The following INPP5A variants were observed in gnomAD, a reference collection of about 807,000 sequenced individuals.
INPP5A encodes the protein 43 kDa inositol polyphosphate 5-phophatase.
INPP5A carries 14 observed loss-of-function variants against 65.2 expected under a neutral mutation model. The ratio of observed to expected loss-of-function variants is 0.21; its 90% CI spans 0.14 to 0.34. INPP5A has a LOEUF of 0.34. Among genes scored for constraint, INPP5A ranks in the 10% least tolerant of loss-of-function variants. The pLI is 1.00. For missense variants in INPP5A, 431 were observed against 545.6 expected (o/e 0.79, Z 2.09); for synonymous variants, 207 against 208.3 (o/e 0.99, Z 0.05).
intron 8 of INPP5A, among the ~76,000 whole-genome samples, chr10:132,722,424 T>G (rs900707311): frequency 2.0e-5 from 3 of 152,182 alleles, no homozygotes; most frequent in Admixed American, 2.0e-4. Context: ...CATTCGAGTC[T>G]GATATTTTTT....
intron 1 of INPP5A, among the ~76,000 whole-genome samples, chr10:132,598,589 T>C (rs2071738308): frequency 6.6e-6 from 1 of 152,268 alleles, no homozygotes; most frequent in Non-Finnish European, 1.5e-5. Flanking sequence ...GGCTGAGTTA[T>C]GTGGATAGAC....
At chr10:132,542,154 G>A (rs1028534929) in intron 1 of INPP5A, among the ~76,000 whole-genome samples, 2 of 152,156 alleles carry the variant, frequency 1.3e-5, no homozygotes, top group African/African-American at 2.4e-5. Flanking sequence ...GCCCGCTGGC[G>A]GGTATCTGCC....
rs188364802 is a variant in INPP5A, at chr10:132,558,544, C to T, written c.75+20373C>T. ...ATATGCATGGGGTCCACTTGTCCCT[C>T]ATGTCCAGTCTCCTGTGGCTGGAAG... On this transcript the variant is annotated intron_variant, in intron 1 of 15. Transcript: ENST00000368594. 3.6e-3 allele frequency among the ~76,000 whole-genome samples: 546 copies of T among 152,344 alleles called. 3 individuals are homozygous for T. The highest frequency in any genetic ancestry group is 4.9e-3 in the Non-Finnish European group (330 of 68,028).
At chr10:132,702,067 C>A (rs1269839462) in intron 6 of INPP5A, among the ~76,000 whole-genome samples, 2 of 152,260 alleles carry the variant, frequency 1.3e-5, no homozygotes, top group African/African-American at 4.8e-5. Context: ...TGTCAGGACA[C>A]TGTGGGCTGT....
At chr10:132,781,001 G>A (rs1422879082) in intron 14 of INPP5A, 84 bp downstream of exon 14, 14 of 869,006 alleles carry the variant, frequency 1.6e-5, no homozygotes, top group African/African-American at 3.3e-5. Flanking sequence ...GTGGGTGGGC[G>A]GGTGCTGGGG....
intron 1 of INPP5A, among the ~76,000 whole-genome samples, chr10:132,539,102 C>T (rs923922644): frequency 6.6e-6 from 1 of 152,164 alleles, no homozygotes; most frequent in Non-Finnish European, 1.5e-5. Flanking sequence ...AATCCTGAAT[C>T]CTGGTCTTAA....
intron 5 of INPP5A, among the ~76,000 whole-genome samples, chr10:132,693,522 G>T (rs1845300616): frequency 6.6e-6 from 1 of 152,156 alleles, no homozygotes; most frequent in African/African-American, 2.4e-5. Context: ...TGGGCCAAAA[G>T]AAAGCTGGAG....
intron 8 of INPP5A, among the ~76,000 whole-genome samples, chr10:132,720,737 G>C (rs1468917462): frequency 6.7e-6 from 1 of 149,652 alleles, no homozygotes; most frequent in Non-Finnish European, 1.5e-5. Flanking sequence ...CCTGAGTTCT[G>C]TCTGGGCGCC....
chr10:132,641,068 G>A (rs570710019), intron 2 of INPP5A, among the ~76,000 whole-genome samples: 3 of 152,348 alleles, frequency 2.0e-5, no homozygotes, highest in East Asian at 1.9e-4. Context: ...TCACTGCCTC[G>A]ATTCACTGCG....
intron 2 of INPP5A, among the ~76,000 whole-genome samples, chr10:132,608,428 C>G (rs2071891963): frequency 6.6e-6 from 1 of 152,218 alleles, no homozygotes; most frequent in South Asian, 2.1e-4. Context: ...CACGGACCCC[C>G]CTGTCTAATA....
chr10:132,573,617 G>A (rs1280256220), intron 1 of INPP5A, among the ~76,000 whole-genome samples: 12 of 127,912 alleles, frequency 9.4e-5, no homozygotes, highest in East Asian at 5.0e-4. Flanking sequence ...TGAGATGTTG[G>A]GGTGTGCGTG....
chr10:132,649,259 G>A (rs912453223), intron 3 of INPP5A, among the ~76,000 whole-genome samples: 5 of 152,088 alleles, frequency 3.3e-5, no homozygotes, highest in Admixed American at 6.5e-5. Context: ...TTTTCCTTCC[G>A]TCTGTGCGTT....
At chr10:132,735,943 A>G (rs187622978) in intron 9 of INPP5A, among the ~76,000 whole-genome samples, 430 of 152,286 alleles carry the variant, frequency 2.8e-3, no homozygotes, top group African/African-American at 9.8e-3. Flanking sequence ...CCTGCCCCAC[A>G]CCAGTCTGTG....
At chr10:132,737,240 A>G (rs1450320212) in intron 9 of INPP5A, among the ~76,000 whole-genome samples, 2 of 152,200 alleles carry the variant, frequency 1.3e-5, no homozygotes, top group Admixed American at 1.3e-4. Flanking sequence ...GTGTGTCCAG[A>G]GGGCAGGTGG....
intron 2 of INPP5A, among the ~76,000 whole-genome samples, chr10:132,633,606 A>G (rs1307487809): frequency 6.6e-6 from 1 of 152,158 alleles, no homozygotes; most frequent in Non-Finnish European, 1.5e-5. Flanking sequence ...TAAGAAACAG[A>G]GATTCCCTCT....
At chr10:132,735,480 G>A (rs970971316) in intron 9 of INPP5A, among the ~76,000 whole-genome samples, 2 of 152,244 alleles carry the variant, frequency 1.3e-5, no homozygotes, top group African/African-American at 4.8e-5. Context: ...GGGCGCCCTG[G>A]GGCGGTGTTG....
chr10:132,542,715 G>C (rs1001784512), intron 1 of INPP5A, among the ~76,000 whole-genome samples: 1 of 152,238 alleles, frequency 6.6e-6, no homozygotes, highest in Admixed American at 6.5e-5. Flanking sequence ...TCCCTCTGTG[G>C]ATCCTCCTTC....
At position 132,678,398 on chromosome 10, in the gene INPP5A, C is replaced by T. The variant is rs556991831; in HGVS notation, c.307-11994C>T. Among the ~76,000 whole-genome samples, 1 of 152,278 alleles carries T rather than the reference C, an allele frequency of 6.6e-6. No homozygotes were observed. The highest frequency in any genetic ancestry group is 1.5e-5 in the Non-Finnish European group (1 of 68,016). On this transcript the variant is annotated intron_variant, in intron 4 of 15. Coordinates refer to ENST00000368594, the MANE Select transcript of INPP5A (RefSeq NM_005539.5). This position sits in a 1 kb window ranked among gnomAD's most constrained non-coding sequence, Gnocchi z 4.1. Reference sequence around the variant, plus strand: ...TATAACTTTGCTTTGATTTATTACTCAATCTGTTAAATTGTTTCAAAACAA... The same window carrying T: ...TATAACTTTGCTTTGATTTATTACTTAATCTGTTAAATTGTTTCAAAACAA...
chr10:132,774,473 G>A (rs1469576115), intron 12 of INPP5A, among the ~76,000 whole-genome samples: 2 of 152,226 alleles, frequency 1.3e-5, no homozygotes, highest in East Asian at 1.9e-4. Flanking sequence ...CACAGCTCGG[G>A]GAGTTGGCGT....
Sources: allele counts gnomAD v4.1 joint callset (sites outside exome capture counted in the v4.1 genomes callset), GRCh38; gene constraint gnomAD v4.1.1; non-coding constraint Gnocchi (gnomAD v3.1); transcripts MANE v1.5; gene names NCBI Gene and HGNC (gene_info 2026-07-23, HGNC 2026-07-21).